AFF3: variants seen among roughly 807,000 people sequenced by gnomAD.
AFF3 encodes AF4/FMR2 family member 3.
A neutral mutation model predicts 129.7 loss-of-function variants in AFF3; 32 were observed. The observed-to-expected ratio is 0.25, with a 90% CI of 0.19 to 0.33. The LOEUF is 0.33. Among genes scored for constraint, AFF3 ranks in the 10% least tolerant of loss-of-function variants. AFF3 has a pLI of 1.00. For synonymous variants in AFF3, 644 were observed against 635.4 expected, an observed-to-expected ratio of 1.01 and a Z score of -0.20; for missense variants, 1,373 against 1,592.0, an observed-to-expected ratio of 0.86 and a Z score of 2.34.
intron 12 of AFF3, among the ~76,000 whole-genome samples, chr2:99,658,379 A>G (rs540456240): frequency 1.2e-3 from 182 of 152,118 alleles, no homozygotes; most frequent in African/African-American, 4.3e-3. Flanking sequence ...GACCATGACC[A>G]TGTGTGAGGT....
intron 9 of AFF3, 72 bp downstream of exon 9, chr2:99,752,149 G>T: frequency 7.5e-7 from 1 of 1,332,418 alleles, no homozygotes; most frequent in South Asian, 1.2e-5. Flanking sequence ...ACAATCACGG[G>T]TAAAGCCCAC....
chr2:99,777,122 C>T (rs550252964), intron 8 of AFF3, among the ~76,000 whole-genome samples: 63 of 152,284 alleles, frequency 4.1e-4, no homozygotes, highest in South Asian at 4.1e-4. Context: ...AGTCAGAGCC[C>T]GCTGTGAGTG....
At chr2:99,622,283 C>G (rs572803912) in intron 13 of AFF3, among the ~76,000 whole-genome samples, 1 of 152,088 alleles carries the variant, frequency 6.6e-6, no homozygotes, top group African/African-American at 2.4e-5. Context: ...TGGTCCTGAT[C>G]GAAGATGGCT....
chr2:99,795,883 T>C (rs761045655), intron 8 of AFF3, among the ~76,000 whole-genome samples: 9 of 152,130 alleles, frequency 5.9e-5, no homozygotes, highest in Admixed American at 2.0e-4. Context: ...CCTCCTCTTC[T>C]AGACTAGGTT....
chr2:99,727,913 T>C (rs1679493351), intron 10 of AFF3, among the ~76,000 whole-genome samples: 1 of 152,010 alleles, frequency 6.6e-6, no homozygotes, highest in South Asian at 2.1e-4. Flanking sequence ...GGTCCCAAGA[T>C]CCCCCTATTT....
intron 8 of AFF3, among the ~76,000 whole-genome samples, chr2:99,830,387 G>A (rs182201963): frequency 6.6e-6 from 1 of 152,334 alleles, no homozygotes; most frequent in African/African-American, 2.4e-5. Flanking sequence ...CAGTGGTGGT[G>A]GTTTCCATCA....
intron 7 of AFF3, among the ~76,000 whole-genome samples, chr2:99,978,850 A>G (rs909842691): frequency 3.9e-5 from 6 of 152,132 alleles, no homozygotes; most frequent in African/African-American, 1.4e-4. Context: ...ATCTGCCACC[A>G]CCTTGATCTT....
At chr2:99,834,093 T>C (rs571276584) in intron 8 of AFF3, among the ~76,000 whole-genome samples, 1 of 152,334 alleles carries the variant, frequency 6.6e-6, no homozygotes, top group South Asian at 2.1e-4. Flanking sequence ...AAATGCATGA[T>C]CTGGCACTTC....
intron 7 of AFF3, among the ~76,000 whole-genome samples, chr2:99,933,495 C>G (rs1018888271): frequency 6.6e-5 from 10 of 152,046 alleles, no homozygotes; most frequent in Non-Finnish European, 1.5e-4. Flanking sequence ...CCTTGCCCCC[C>G]ACCCCCCGAC....
chr2:99,912,137 T>C (rs992869286), intron 7 of AFF3, among the ~76,000 whole-genome samples: 1 of 152,160 alleles, frequency 6.6e-6, no homozygotes, highest in African/African-American at 2.4e-5. Flanking sequence ...AACTAAGGAA[T>C]AGTGAGTCCT....
At chr2:99,744,059 A>G (rs1208959866) in intron 10 of AFF3, 45 bp downstream of exon 10, 1 of 1,319,226 alleles carries the variant, frequency 7.6e-7, no homozygotes, top group Non-Finnish European at 1.1e-6. Flanking sequence ...CTCTGCCCCC[A>G]CCCCCTGCTC....
intron 24 of AFF3, among the ~76,000 whole-genome samples, chr2:99,553,983 A>T (rs1036384549): frequency 6.6e-6 from 1 of 151,980 alleles, no homozygotes; most frequent in African/African-American, 2.4e-5. Context: ...AATATGAACA[A>T]TGACTTATGT....
chr2:100,074,470 C>A (rs749986341), intron 4 of AFF3, among the ~76,000 whole-genome samples: 1 of 152,182 alleles, frequency 6.6e-6, no homozygotes, highest in Non-Finnish European at 1.5e-5. Flanking sequence ...CTTGCACTTA[C>A]GTATATTTAT....
intron 8 of AFF3, among the ~76,000 whole-genome samples, chr2:99,804,837 A>G (rs1686217800): frequency 6.6e-6 from 1 of 152,164 alleles, no homozygotes; most frequent in African/African-American, 2.4e-5. Context: ...AGGAATGGAA[A>G]ACCAAGTACC....
Position 99,594,198 on chromosome 2 carries a change from C to T in AFF3, c.1463G>A (p.Ser488Asn). Residue 488 changes from serine to asparagine, a missense_variant, in exon 15 of 25, where the codon AGC becomes AAC. Physicochemically the swap from Ser to Asn is conservative, Grantham distance 46. Coordinates refer to ENST00000672756, the MANE Select transcript of AFF3 (RefSeq NM_001386135.1). Reference protein sequence around the residue: ...HKPPILIQNESHGSESNQYYN... With the variant: ...HKPPILIQNENHGSESNQYYN... ...GTACTGATTGCTCTCTGACCCGTGG[C>T]TTTCATTTTGGATCAGAATAGGAGG... The T allele has an allele frequency of 6.2e-7, 1 of 1,614,108 alleles. No homozygotes were observed. The highest frequency in any genetic ancestry group is 8.5e-7 in the Non-Finnish European group (1 of 1,180,010).
Position 99,698,028 on chromosome 2 carries a change from T to C in AFF3, c.1092-25439A>G, listed in dbSNP as rs373546189. 1.3e-4 allele frequency among the ~76,000 whole-genome samples: 20 copies of C among 152,340 alleles called. 1 individual carries two copies. The South Asian group carries it at 1.7e-3, about 13-fold the overall frequency. On this transcript the variant is annotated intron_variant, in intron 11 of 24. Coordinates refer to ENST00000672756, the MANE Select transcript of AFF3 (RefSeq NM_001386135.1). ...TCTGTGTATTCCCAGCTGTTCAAAA[T>C]ATAATTCCAAGTGTGTATCATCTGT...
At chr2:99,693,273 A>T (rs553063955) in intron 11 of AFF3, among the ~76,000 whole-genome samples, 2 of 152,352 alleles carry the variant, frequency 1.3e-5, no homozygotes, top group African/African-American at 4.8e-5. Context: ...TATTGCCCCA[A>T]AATGGGTAAT....
intron 8 of AFF3, among the ~76,000 whole-genome samples, chr2:99,766,206 C>T (rs1683000593): frequency 6.6e-6 from 1 of 152,216 alleles, no homozygotes; most frequent in Non-Finnish European, 1.5e-5. Flanking sequence ...TCAAAGTTCC[C>T]GGTCAGGTGG....
chr2:99,646,995 A>AAAC (rs1684753663), intron 13 of AFF3, among the ~76,000 whole-genome samples: 1 of 152,214 alleles, frequency 6.6e-6, no homozygotes, highest in African/African-American at 2.4e-5. Flanking sequence ...AAAAGTCAAA[A>AAAC]AACAACAGAT....
Sources: allele counts gnomAD v4.1 joint callset (sites outside exome capture counted in the v4.1 genomes callset), GRCh38; gene constraint gnomAD v4.1.1; transcripts MANE v1.5; gene names NCBI Gene and HGNC (gene_info 2026-07-23, HGNC 2026-07-21).